The following DISP1 variants were observed in gnomAD, a reference collection of about 807,000 sequenced individuals.
The protein encoded by DISP1 is dispatched RND transporter family member 1.
A neutral mutation model predicts 37.3 loss-of-function variants in DISP1; 30 were observed. The ratio of observed to expected loss-of-function variants is 0.80; its 90% CI spans 0.60 to 1.09. DISP1 has a LOEUF of 1.09. Among genes scored for constraint, DISP1 ranks in the 50% least tolerant of loss-of-function variants. DISP1 has a pLI of 0.00. For missense variants in DISP1, 1,598 were observed against 1,879.5 expected (o/e 0.85, Z 2.77); for synonymous variants, 634 against 690.2 (o/e 0.92, Z 1.28).
At chr1:222,973,977 A>G (rs1170397677) in intron 3 of DISP1, among the ~76,000 whole-genome samples, 1 of 152,180 alleles carries the variant, frequency 6.6e-6, no homozygotes, top group Non-Finnish European at 1.5e-5. Flanking sequence ...CAGTTCTGAC[A>G]GTCTCTTATT....
chr1:222,838,290 TG>T (rs1667371724), intron 1 of DISP1, among the ~76,000 whole-genome samples: 1 of 152,168 alleles, frequency 6.6e-6, no homozygotes, highest in Admixed American at 6.5e-5. Context: ...TTGGAGTTTA[TG>T]GGAAATTATC....
intron 1 of DISP1, among the ~76,000 whole-genome samples, chr1:222,890,867 T>C (rs538168878): frequency 6.5e-4 from 99 of 152,204 alleles, no homozygotes; most frequent in African/African-American, 2.3e-3. Flanking sequence ...CACATTCACA[T>C]TGTGTTCTCC....
At chr1:222,990,989 A>C (rs896354233) in intron 5 of DISP1, among the ~76,000 whole-genome samples, 21 of 152,218 alleles carry the variant, frequency 1.4e-4, no homozygotes, top group African/African-American at 5.1e-4. Context: ...TTTAAGCTAA[A>C]AAGCAATAAA....
intron 4 of DISP1, among the ~76,000 whole-genome samples, chr1:222,987,803 G>A (rs1678386265): frequency 6.6e-6 from 1 of 152,156 alleles, no homozygotes; most frequent in Non-Finnish European, 1.5e-5. Context: ...TTAAAATAAA[G>A]TGTAATGAAT....
At position 222,937,752 on chromosome 1, in the gene DISP1, G is replaced by GT. The variant is rs550334896; in HGVS notation, c.-17-5054dup. 1.1e-4 allele frequency among the ~76,000 whole-genome samples: 16 copies of GT among 147,626 alleles called. No individual in the cohort carries two copies. The East Asian group carries it at 2.8e-3, about 26-fold the overall frequency. On this transcript the variant is annotated intron_variant, in intron 2 of 8. Coordinates refer to ENST00000675850, the MANE Select transcript of DISP1 (RefSeq NM_001377229.1). Reference sequence around the variant, plus strand: ...AGGAAATGCATTAAAATATCTTGGTGTGGGCACATCACATCTCAAGCCAAT... The same window carrying GT: ...AGGAAATGCATTAAAATATCTTGGTGTTGGGCACATCACATCTCAAGCCAAT...
chr1:222,840,917 A>G (rs1459977353), intron 1 of DISP1, among the ~76,000 whole-genome samples: 1 of 152,196 alleles, frequency 6.6e-6, no homozygotes, highest in Non-Finnish European at 1.5e-5. Flanking sequence ...GTGCATAGTT[A>G]TACCATTTAG....
chr1:223,002,987 G>A lies in DISP1; in HGVS notation c.1590G>A (p.Met530Ile), dbSNP rs1179685200. ...VYTKSMFITL[M>I]TMFAIISSLI... ...CCAAGTCCATGTTTATCACTCTGAT[G>A]ACAATGTTTGCAATAATCAGTTCTT... Residue 530 changes from methionine (M) to isoleucine (I), a missense_variant, in exon 9 of 9, where the codon ATG (methionine) becomes ATA (isoleucine). By Grantham distance (10) the Met-to-Ile change is conservative (BLOSUM62 1). Transcript: ENST00000675850. 1.2e-6 allele frequency: 2 copies of A among 1,613,702 alleles called. No individual in the cohort carries two copies. The highest frequency in any genetic ancestry group is 1.7e-6 in the Non-Finnish European group (2 of 1,180,044).
At chr1:222,891,553 G>A (rs1009459681) in intron 1 of DISP1, among the ~76,000 whole-genome samples, 2 of 151,982 alleles carry the variant, frequency 1.3e-5, no homozygotes, top group African/African-American at 4.8e-5. Context: ...ATTTAAAGAG[G>A]GGGCCAGAAT....
chr1:222,858,973 A>C (rs1668718786), intron 1 of DISP1, among the ~76,000 whole-genome samples: 1 of 152,216 alleles, frequency 6.6e-6, no homozygotes, highest in Non-Finnish European at 1.5e-5. Context: ...CAGCAATCCC[A>C]TTACTGGGTA....
intron 1 of DISP1, among the ~76,000 whole-genome samples, chr1:222,867,103 A>G (rs1258597322): frequency 6.6e-6 from 1 of 152,192 alleles, no homozygotes; most frequent in African/African-American, 2.4e-5. Flanking sequence ...GTAAAAAGCT[A>G]TTGAATGAAT....
At chr1:222,873,869 T>G (rs1232855000) in intron 1 of DISP1, among the ~76,000 whole-genome samples, 1 of 152,144 alleles carries the variant, frequency 6.6e-6, no homozygotes, top group Non-Finnish European at 1.5e-5. Context: ...TTCCTAGCCT[T>G]GATGGTCTTT....
chr1:222,976,586 A>T (rs996298229), intron 3 of DISP1, among the ~76,000 whole-genome samples: 1 of 151,982 alleles, frequency 6.6e-6, no homozygotes, highest in African/African-American at 2.4e-5. Flanking sequence ...GACAGTCTCT[A>T]CTTACTGTCT....
rs374326130 is a variant in DISP1, at chr1:222,892,751, T to A, written c.-158-35679T>A. 8.5e-5 allele frequency among the ~76,000 whole-genome samples: 13 copies of A among 152,362 alleles called. No homozygotes were observed. In the East Asian group the frequency reaches 2.5e-3, roughly 29 times the overall value. On this transcript the variant is annotated intron_variant, in intron 1 of 8. Transcript: ENST00000675850. ...TCTGGATTAGCAAAGCAATATTCAC[T>A]TTAATGGCAAAACCGAAATCAGTGC... is the stretch of plus-strand genomic sequence containing the variant.
intron 1 of DISP1, among the ~76,000 whole-genome samples, chr1:222,864,075 A>C (rs1378347738): frequency 6.6e-6 from 1 of 152,220 alleles, no homozygotes; most frequent in African/African-American, 2.4e-5. Flanking sequence ...AACCAAGCTC[A>C]GAAATGTATG....
chr1:222,851,383 A>G (rs1201372735), intron 1 of DISP1, among the ~76,000 whole-genome samples: 1 of 151,970 alleles, frequency 6.6e-6, no homozygotes, highest in Non-Finnish European at 1.5e-5. Flanking sequence ...CATTTTTTAA[A>G]CGAGAGGTTC....
intron 2 of DISP1, among the ~76,000 whole-genome samples, chr1:222,937,750 G>A (rs1674062237): frequency 6.7e-6 from 1 of 148,896 alleles, no homozygotes; most frequent in South Asian, 2.1e-4. Context: ...AAATATCTTG[G>A]TGTGGGCACA....
chr1:222,859,470 C>T (rs1463704718), intron 1 of DISP1, among the ~76,000 whole-genome samples: 2 of 152,142 alleles, frequency 1.3e-5, no homozygotes, highest in Non-Finnish European at 2.9e-5. Flanking sequence ...GCATCCTGTG[C>T]ATGTACCCCA....
In DISP1 at chr1:222,929,576, C is replaced by A. The variant is rs1389503201; in HGVS notation, c.-18+1006C>A. Among the ~76,000 whole-genome samples, 5 of 152,122 alleles carry A rather than the reference C, an allele frequency of 3.3e-5. No individual in the cohort carries two copies. The East Asian group carries it at 7.7e-4, about 23-fold the overall frequency. ...TACTCACAAGAAGGTTATTTTAGAT[C>A]ATAATATTTATAATTAAGAAAATTA... On this transcript the variant is annotated intron_variant, in intron 2 of 8. Coordinates refer to ENST00000675850, the MANE Select transcript of DISP1 (RefSeq NM_001377229.1).
intron 1 of DISP1, among the ~76,000 whole-genome samples, chr1:222,867,395 A>G (rs1008521804): frequency 4.6e-5 from 7 of 152,212 alleles, no homozygotes; most frequent in African/African-American, 1.7e-4. Flanking sequence ...ATAGGTAATT[A>G]TAATGTTCTT....
Sources: gnomAD v4.1 joint callset for allele counts (sites outside exome capture counted in the v4.1 genomes callset) on GRCh38, gnomAD v4.1.1 for gene constraint, MANE v1.5 for transcripts, NCBI Gene and HGNC (gene_info 2026-07-23, HGNC 2026-07-21) for gene names.